The following KIAA1217 variants were observed in gnomAD, a reference collection of about 807,000 sequenced individuals.
KIAA1217 encodes sickle tail protein homolog.
A neutral mutation model predicts 163.9 loss-of-function variants in KIAA1217; 88 were observed. The observed-to-expected ratio is 0.54, with a 90% CI of 0.45 to 0.64. The LOEUF is 0.64. KIAA1217 is among the 30% of genes least tolerant of loss of function. The probability of loss-of-function intolerance (pLI) is 0.00; values close to 1 mark genes in which losing one functional copy is unlikely to be tolerated. For synonymous variants in KIAA1217, 903 were observed against 923.1 expected, an observed-to-expected ratio of 0.98 and a Z score of 0.39; for missense variants, 2,372 against 2,475.0, an observed-to-expected ratio of 0.96 and a Z score of 0.88.
intron 2 of KIAA1217, among the ~76,000 whole-genome samples, chr10:24,320,578 T>C (rs569396169): frequency 6.6e-6 from 1 of 152,372 alleles, no homozygotes; most frequent in Admixed American, 6.5e-5. Flanking sequence ...AGCACCTATC[T>C]ATCCATTTAT....
chr10:24,522,564 T>C (rs2071447437), intron 12 of KIAA1217, among the ~76,000 whole-genome samples: 1 of 152,216 alleles, frequency 6.6e-6, no homozygotes, highest in South Asian at 2.1e-4. Flanking sequence ...CAGGCTTCCT[T>C]ACCAAAGGTA....
intron 2 of KIAA1217, among the ~76,000 whole-genome samples, chr10:24,122,570 T>C (rs2063323154): frequency 6.6e-6 from 1 of 152,070 alleles, no homozygotes; most frequent in Non-Finnish European, 1.5e-5. Context: ...AAAACCAAAT[T>C]CAGAAATACT....
At chr10:24,446,207 C>T (rs1398547258) in intron 5 of KIAA1217, among the ~76,000 whole-genome samples, 2 of 152,074 alleles carry the variant, frequency 1.3e-5, no homozygotes, top group Non-Finnish European at 2.9e-5. Flanking sequence ...TCATATCCTT[C>T]ACCCACTTGT....
At position 24,247,594 on chromosome 10, in the gene KIAA1217, G is replaced by T. The variant is rs1177202243; in HGVS notation, c.354+27685G>T. ...AGGCAGATCATGAGGTTAGGAGATC[G>T]AAACCATCCTGGCTAACACGGTGAA... On this transcript the variant is annotated intron_variant, in intron 2 of 20. Coordinates refer to ENST00000376454, the MANE Select transcript of KIAA1217 (RefSeq NM_019590.5). 3.3e-5 allele frequency among the ~76,000 whole-genome samples: 5 copies of T among 152,170 alleles called. No homozygotes were observed. The South Asian group carries it at 1.0e-3, about 31-fold the overall frequency.
Position 23,861,115 on chromosome 10 carries a change from G to A in KIAA1217, c.-320-146110G>A, listed in dbSNP as rs138416992. Among the ~76,000 whole-genome samples, 8 of 151,984 alleles carry A rather than the reference G, an allele frequency of 5.3e-5. No homozygotes were observed. The East Asian group carries it at 1.6e-3, about 30-fold the overall frequency. On this transcript the variant is annotated intron_variant, in intron 1 of 18. Coordinates refer to the KIAA1217 transcript ENST00000376462. ...TTTTGTAGAGACGGAGTTTCACCATGTTGTCCAGGCTGGTCTCAAACTCCT... is the reference window on the plus strand; with the variant it reads ...TTTTGTAGAGACGGAGTTTCACCATATTGTCCAGGCTGGTCTCAAACTCCT...
At chr10:23,791,357 C>A (rs1835943323) in intron 1 of KIAA1217, among the ~76,000 whole-genome samples, 1 of 152,126 alleles carries the variant, frequency 6.6e-6, no homozygotes, top group South Asian at 2.1e-4. Flanking sequence ...TTTCATCTAA[C>A]TTCCCACTCA....
chr10:23,856,623 C>A (rs943503246), intron 1 of KIAA1217, among the ~76,000 whole-genome samples: 16 of 152,256 alleles, frequency 1.1e-4, no homozygotes, highest in African/African-American at 3.9e-4. Context: ...GTGGAGCCTA[C>A]AGAGGCAGGC....
chr10:24,076,768 A>G (rs1338986103), intron 2 of KIAA1217, among the ~76,000 whole-genome samples: 1 of 152,152 alleles, frequency 6.6e-6, no homozygotes, highest in Non-Finnish European at 1.5e-5. Flanking sequence ...TTCTAGAAAA[A>G]CAGGTACAGA....
chr10:24,541,389 C>T (rs1467553416), intron 17 of KIAA1217, among the ~76,000 whole-genome samples: 2 of 151,998 alleles, frequency 1.3e-5, no homozygotes, highest in Non-Finnish European at 2.9e-5. Flanking sequence ...TTGTACTTTG[C>T]ACAGTATTTG....
At chr10:24,210,036 TC>T (rs1199281877) in intron 1 of KIAA1217, among the ~76,000 whole-genome samples, 1 of 152,056 alleles carries the variant, frequency 6.6e-6, no homozygotes, top group Non-Finnish European at 1.5e-5. Flanking sequence ...TTCTGTGGGA[TC>T]CTATAGGCAG....
At position 23,934,599 on chromosome 10, in the gene KIAA1217, A is replaced by G. The variant is rs1471126725; in HGVS notation, c.-320-72626A>G. On this transcript the variant is annotated intron_variant, in intron 1 of 18. Transcript: ENST00000376462. ...TATATATATATATATATGTATATAT[A>G]TATATATGTATATATATATATATAT... is the stretch of plus-strand genomic sequence containing the variant. Among the ~76,000 whole-genome samples, 202 of 82,238 alleles carry G rather than the reference A, an allele frequency of 2.5e-3. 15 individuals are homozygous for G. The highest frequency in any genetic ancestry group is 0.021 in the African/African-American group (158 of 7,368). The allele number at this position is 82,238 out of a possible 152,430, so 54.0% of individuals were successfully genotyped here. A position where few individuals can be genotyped will look rare whatever the true frequency, so the allele number is the denominator to read the frequency against.
chr10:23,819,844 C>T (rs1490676448), intron 1 of KIAA1217, among the ~76,000 whole-genome samples: 1 of 152,098 alleles, frequency 6.6e-6, no homozygotes, highest in African/African-American at 2.4e-5. Context: ...TTCAGTGCCA[C>T]CTGAGTCATT....
intron 1 of KIAA1217, among the ~76,000 whole-genome samples, chr10:23,847,184 G>GC (rs1839076919): frequency 6.6e-6 from 1 of 152,120 alleles, no homozygotes; most frequent in African/African-American, 2.4e-5. Context: ...AGGGGTATTG[G>GC]CCTGAAATTT....
intron 1 of KIAA1217, among the ~76,000 whole-genome samples, chr10:23,989,136 C>G (rs1846105172): frequency 6.6e-6 from 1 of 152,150 alleles, no homozygotes; most frequent in African/African-American, 2.4e-5. Context: ...ACAGAAACTT[C>G]AGATTGCAAC....
chr10:24,344,583 G>T (rs2047493460), intron 2 of KIAA1217, among the ~76,000 whole-genome samples: 1 of 152,212 alleles, frequency 6.6e-6, no homozygotes, highest in East Asian at 1.9e-4. Context: ...TGTGCACAGT[G>T]AAGGATTTTT....
At chr10:24,175,432 G>GGT (rs1250847810) in intron 2 of KIAA1217, among the ~76,000 whole-genome samples, 2 of 133,012 alleles carry the variant, frequency 1.5e-5, no homozygotes, top group East Asian at 2.2e-4. Flanking sequence ...GTTATTCCAT[G>GGT]GTGTATATAT....
intron 1 of KIAA1217, among the ~76,000 whole-genome samples, chr10:23,981,013 G>A (rs543197346): frequency 2.4e-4 from 36 of 152,234 alleles, no homozygotes; most frequent in African/African-American, 6.7e-4. Flanking sequence ...CTTTAGTTGC[G>A]TGGTCAATTG....
At chr10:24,367,141 C>T in intron 2 of KIAA1217, 1 of 985,634 alleles carries the variant, frequency 1.0e-6, no homozygotes, top group Non-Finnish European at 1.2e-6. Flanking sequence ...ATGCTGATCT[C>T]TCTTCAGGCA....
At chr10:24,540,049 T>A (rs1471435740) in intron 17 of KIAA1217, among the ~76,000 whole-genome samples, 1 of 152,206 alleles carries the variant, frequency 6.6e-6, no homozygotes, top group Non-Finnish European at 1.5e-5. Flanking sequence ...TGAGTTTGCA[T>A]GACAATTATG....
Sources: gnomAD v4.1 joint callset for allele counts (sites outside exome capture counted in the v4.1 genomes callset) on GRCh38, gnomAD v4.1.1 for gene constraint, MANE v1.5 for transcripts, NCBI Gene and HGNC (gene_info 2026-07-23, HGNC 2026-07-21) for gene names.